Variants in USP33 observed in about 807,000 individuals in gnomAD.
USP33 encodes the protein ubiquitin carboxyl-terminal hydrolase 33.
In USP33, 46 loss-of-function variants were observed where a neutral mutation model predicts 124.2. The observed-to-expected ratio is 0.37, with a 90% CI of 0.29 to 0.47. USP33 has a LOEUF of 0.47. Ranked by LOEUF, USP33 falls within the 20% of genes least tolerant of loss-of-function variation. USP33 has a pLI of 0.99. For missense variants in USP33, 851 were observed against 1,070.6 expected, an observed-to-expected ratio of 0.79 and a Z score of 2.86; for synonymous variants, 350 against 352.3, an observed-to-expected ratio of 0.99 and a Z score of 0.07.
chr1:77,712,800 G>A (rs1424269717), intron 20 of USP33, among the ~76,000 whole-genome samples: 1 of 152,126 alleles, frequency 6.6e-6, no homozygotes, highest in African/African-American at 2.4e-5. Flanking sequence ...CGACGCTGCA[G>A]TAAGCCAAGA....
At chr1:77,736,982 A>T (rs1406232364) in intron 5 of USP33, among the ~76,000 whole-genome samples, 6 of 151,966 alleles carry the variant, frequency 3.9e-5, no homozygotes, top group Non-Finnish European at 7.4e-5. Context: ...ATTTCCAACA[A>T]TTGGCTTGAC....
chr1:77,715,079 T>C (rs1675709806), intron 18 of USP33, among the ~76,000 whole-genome samples: 3 of 152,226 alleles, frequency 2.0e-5, no homozygotes, highest in Admixed American at 6.5e-5. Context: ...AGCTAGCATC[T>C]TCTTTTATAA....
chr1:77,724,179 C>T (rs1008890823), intron 11 of USP33, among the ~76,000 whole-genome samples: 8 of 152,028 alleles, frequency 5.3e-5, no homozygotes, highest in Non-Finnish European at 8.8e-5. Context: ...AGAAGGGGTT[C>T]GGTCTCCCTA....
chr1:77,724,934 C>T (rs765437015), intron 11 of USP33, among the ~76,000 whole-genome samples: 2 of 151,844 alleles, frequency 1.3e-5, no homozygotes, highest in African/African-American at 2.4e-5. Context: ...CCCAGCTACT[C>T]GGGAGGCTGA....
At chr1:77,729,578 G>A (rs1231129001) in intron 9 of USP33, among the ~76,000 whole-genome samples, 3 of 152,082 alleles carry the variant, frequency 2.0e-5, no homozygotes, top group Non-Finnish European at 4.4e-5. Flanking sequence ...GGCTGAGGCA[G>A]GAGAATCGCT....
intron 10 of USP33, among the ~76,000 whole-genome samples, chr1:77,727,381 C>A (rs1018018913): frequency 2.0e-5 from 3 of 152,150 alleles, no homozygotes; most frequent in Non-Finnish European, 4.4e-5. Context: ...CAAGAAAAGC[C>A]TGGACAGCAG....
chr1:77,741,671 T>C lies in USP33; in HGVS notation c.27A>G (p.Pro9=), dbSNP rs758917926. 1.2e-6 allele frequency: 2 copies of C among 1,604,458 alleles called. No individual in the cohort carries two copies. Among genetic ancestry groups the C allele is most frequent in the East Asian group, 2.2e-5 (1 of 44,596 alleles). The change falls in exon 2 of 24, where the codon CCA becomes CCG. Residue 9 remains proline (P), a synonymous_variant. Coordinates refer to ENST00000370794, the MANE Select transcript of USP33 (RefSeq NM_201624.3). MSAFRNHC[P]HLDSVGEITK... The stretch of plus-strand genomic sequence containing the variant: ...TTATTTCACCAACTGAATCCAAATG[T>C]GGACAATGATTTCGAAAAGCTGACA...
intron 9 of USP33, 136 bp from the exon 10 acceptor site, chr1:77,728,848 G>A: frequency 1.1e-6 from 1 of 927,830 alleles, no homozygotes; most frequent in East Asian, 2.6e-5. Context: ...AGTTTGGAGA[G>A]CATAAGGCAC....
chr1:77,758,907 G>C (rs1681059875), intron 1 of USP33, among the ~76,000 whole-genome samples: 1 of 152,104 alleles, frequency 6.6e-6, no homozygotes, highest in Non-Finnish European at 1.5e-5. Flanking sequence ...GCCTAATACT[G>C]ATTCTATGAG....
In USP33 at chr1:77,750,359, A is replaced by G. The variant is rs149309990; in HGVS notation, c.-51-8611T>C. 5.6e-3 allele frequency among the ~76,000 whole-genome samples: 854 copies of G among 152,044 alleles called. 5 individuals are homozygous for G. The highest frequency in any genetic ancestry group is 0.019 in the African/African-American group (796 of 41,462). ...GAAAGAATTGGCTGGGCAGCCACGC[A>G]TGACAGCTCAGGTCTGTAATCCCAG... On this transcript the variant is annotated intron_variant, in intron 1 of 23. Transcript: ENST00000370794.
chr1:77,704,893 G>C (rs901175752), intron 21 of USP33, among the ~76,000 whole-genome samples: 1 of 152,078 alleles, frequency 6.6e-6, no homozygotes, highest in Non-Finnish European at 1.5e-5. Flanking sequence ...CTTTATACTT[G>C]CTGCCTGGTA....
rs942338653 is a variant in USP33 at position 77,741,254 on chromosome 1, T to A, written c.135+122A>T. 5.1e-6 allele frequency: 5 copies of A among 977,094 alleles called. No individual in the cohort carries two copies. In the African/African-American group the frequency reaches 8.3e-5, roughly 16 times the overall value. 60.5% of individuals were successfully genotyped at this position (977,094 alleles called of 1,614,324 possible). On this transcript the variant is annotated intron_variant, in intron 3 of 23. Transcript: ENST00000370794. ...TTAATTTTTGTTATTAATAATGACC[T>A]TTTAAAAGCAAGTTTAATTTACAAA...
rs1047525368 is a variant in USP33, at chr1:77,696,459, T to C, written c.*858A>G. On this transcript the variant is annotated 3_prime_UTR_variant, in exon 24 of 24. Transcript: ENST00000370794. Reference sequence around the variant, plus strand: ...TCCTTGATACATTCAAAAAGACATTTTGTAAATTTTAATAAGCTAGTTAGT... The same window carrying C: ...TCCTTGATACATTCAAAAAGACATTCTGTAAATTTTAATAAGCTAGTTAGT... The C allele has an allele frequency of 2.0e-5, 3 of 152,660 alleles. No homozygotes were observed. The highest frequency in any genetic ancestry group is 4.4e-5 in the Non-Finnish European group (3 of 68,046). 9.5% of individuals were successfully genotyped at this position (152,660 alleles called of 1,614,324 possible).
rs371387861 is a variant in USP33, at chr1:77,713,592, T to C, written c.2216-311A>G. The C allele has an allele frequency of 3.6e-5, 8 of 223,820 alleles. No homozygotes were observed. In the South Asian group the frequency reaches 5.0e-4, roughly 14 times the overall value. The allele number at this position is 223,820 out of a possible 1,614,324, so 13.9% of individuals were successfully genotyped here. A position where few individuals can be genotyped will look rare whatever the true frequency, so the allele number is the denominator to read the frequency against. ...TTTTTTTTTTTGTAGAAACAGGCTCTCATTATGTTGCCCAGGCTGGTCTCA... is the reference window on the plus strand; with the variant it reads ...TTTTTTTTTTTGTAGAAACAGGCTCCCATTATGTTGCCCAGGCTGGTCTCA... On this transcript the variant is annotated intron_variant, in intron 19 of 23. Transcript: ENST00000370794.
At chr1:77,716,596 C>T (rs1454911957) in intron 17 of USP33, among the ~76,000 whole-genome samples, 3 of 152,180 alleles carry the variant, frequency 2.0e-5, no homozygotes, top group South Asian at 4.1e-4. Flanking sequence ...TTGCAAACCT[C>T]CCCAGTAGAA....
intron 10 of USP33, among the ~76,000 whole-genome samples, chr1:77,726,285 A>G (rs1458942928): frequency 6.6e-6 from 1 of 151,992 alleles, no homozygotes; most frequent in Admixed American, 6.6e-5. Flanking sequence ...TATTACAGGC[A>G]GTTTAGGAAG....
chr1:77,733,143 C>T (rs1040497377), intron 7 of USP33, among the ~76,000 whole-genome samples: 1 of 151,962 alleles, frequency 6.6e-6, no homozygotes, highest in African/African-American at 2.4e-5. Context: ...CCTATAATCC[C>T]AGCACTTTGG....
chr1:77,708,870 G>C (rs1674925282), intron 21 of USP33, among the ~76,000 whole-genome samples: 1 of 151,756 alleles, frequency 6.6e-6, no homozygotes, highest in Admixed American at 6.6e-5. Context: ...TTTTTTTTAA[G>C]ATATAAAGTC....
At chr1:77,729,568 G>A (rs1677562078) in intron 9 of USP33, among the ~76,000 whole-genome samples, 1 of 152,088 alleles carries the variant, frequency 6.6e-6, no homozygotes, top group Non-Finnish European at 1.5e-5. Context: ...TTACTCAGAA[G>A]GCTGAGGCAG....
Sources: allele counts gnomAD v4.1 joint callset (sites outside exome capture counted in the v4.1 genomes callset), GRCh38; gene constraint gnomAD v4.1.1; transcripts MANE v1.5; gene names NCBI Gene and HGNC (gene_info 2026-07-23, HGNC 2026-07-21).